Variants in ANK3 observed in about 807,000 individuals in gnomAD.
ANK3 encodes the protein ankyrin-3.
A neutral mutation model predicts 370.9 loss-of-function variants in ANK3; 57 were observed. The observed-to-expected ratio is 0.15, with a 90% CI of 0.12 to 0.19. The LOEUF is 0.19. Ranked by LOEUF, ANK3 falls within the 10% of genes least tolerant of loss-of-function variation. The pLI is 1.00. For missense variants in ANK3, 4,439 were observed against 5,302.1 expected (o/e 0.84, Z 5.06); for synonymous variants, 1,929 against 1,946.3 (o/e 0.99, Z 0.23).
chr10:60,281,410 T>C (rs114789979), intron 1 of ANK3, among the ~76,000 whole-genome samples: 7,430 of 152,246 alleles, frequency 0.049, 616 homozygotes, highest in African/African-American at 0.17. Flanking sequence ...AAATGTCCCT[T>C]GGGGGAGGGG....
chr10:60,319,040 G>A (rs2048066325), intron 1 of ANK3, among the ~76,000 whole-genome samples: 1 of 152,122 alleles, frequency 6.6e-6, no homozygotes, highest in African/African-American at 2.4e-5. Flanking sequence ...TTGGTAATGA[G>A]GACTTGCACT....
At chr10:60,102,408 C>G (rs577831295) in intron 28 of ANK3, among the ~76,000 whole-genome samples, 1 of 152,216 alleles carries the variant, frequency 6.6e-6, no homozygotes, top group South Asian at 2.1e-4. Context: ...TATTAGTTCA[C>G]TATTAGGCAT....
chr10:60,500,665 G>A (rs1349271664), intron 2 of ANK3, among the ~76,000 whole-genome samples: 2 of 152,168 alleles, frequency 1.3e-5, no homozygotes, highest in Admixed American at 6.5e-5. Flanking sequence ...CTGGGATAAT[G>A]TTTTAAATTA....
At chr10:60,469,319 G>GTA (rs1215885622) in intron 2 of ANK3, among the ~76,000 whole-genome samples, 1 of 8,500 alleles carries the variant, frequency 1.2e-4, no homozygotes, top group Non-Finnish European at 2.6e-4. Flanking sequence ...CACTTTTAGT[G>GTA]TATATATATA....
At chr10:60,042,560 T>C (rs994570146) in intron 43 of ANK3, 112 bp downstream of exon 43, 2 of 1,079,364 alleles carry the variant, frequency 1.9e-6, no homozygotes, top group African/African-American at 1.6e-5. Flanking sequence ...TTTTCAAAGC[T>C]GAAATTCAGT....
chr10:60,601,314 A>AG (rs2078060506), intron 2 of ANK3, among the ~76,000 whole-genome samples: 2 of 150,688 alleles, frequency 1.3e-5, no homozygotes, highest in African/African-American at 2.5e-5. Context: ...ATGGAAAGAG[A>AG]GAAAAAAAAA....
intron 28 of ANK3, among the ~76,000 whole-genome samples, chr10:60,090,827 G>A (rs1232754994): frequency 6.6e-6 from 1 of 152,136 alleles, no homozygotes; most frequent in African/African-American, 2.4e-5. Context: ...GGTGTGAATG[G>A]CAATAATTTT....
chr10:60,657,762 T>C (rs1200897611), intron 1 of ANK3, among the ~76,000 whole-genome samples: 1 of 152,160 alleles, frequency 6.6e-6, no homozygotes, highest in Non-Finnish European at 1.5e-5. Flanking sequence ...TAATCTTCTA[T>C]AGACTTCCTG....
At chr10:60,390,341 T>A (rs1047094467), upstream of ANK3, among the ~76,000 whole-genome samples, 6 of 152,170 alleles carry the variant, frequency 3.9e-5, no homozygotes, top group African/African-American at 1.4e-4. Flanking sequence ...TATTGGTGTA[T>A]GGAACAGATG....
chr10:60,470,978 A>G (rs1333673627), intron 2 of ANK3, among the ~76,000 whole-genome samples: 1 of 152,006 alleles, frequency 6.6e-6, no homozygotes, highest in East Asian at 1.9e-4. Flanking sequence ...TATGTCTTTT[A>G]TCTCCCCTGG....
At chr10:60,169,878 C>T (rs535023572) in intron 21 of ANK3, among the ~76,000 whole-genome samples, 2 of 152,252 alleles carry the variant, frequency 1.3e-5, no homozygotes, top group East Asian at 3.9e-4. Context: ...CAACATACCC[C>T]CTACCATTGT....
At chr10:60,733,448 C>G (rs954476991) in exon 1 of ANK3, 2 of 790,812 alleles carry the variant, frequency 2.5e-6, no homozygotes, top group Non-Finnish European at 3.4e-6. Flanking sequence ...CCAAGCGCGG[C>G]CCCGCGACGC....
chr10:60,121,683 C>G (rs1325421853), intron 25 of ANK3, among the ~76,000 whole-genome samples: 1 of 64,934 alleles, frequency 1.5e-5, no homozygotes, highest in African/African-American at 5.6e-5. Context: ...AGGGCCAGAC[C>G]CTTTCTCAAA....
intron 2 of ANK3, among the ~76,000 whole-genome samples, chr10:60,449,045 CAT>C (rs1567049512): frequency 6.6e-6 from 1 of 152,258 alleles, no homozygotes; most frequent in South Asian, 2.1e-4. Flanking sequence ...AGGTTAGAAA[CAT>C]GTGAAATAGT....
At chr10:60,110,298 G>A (rs2092605811) in intron 26 of ANK3, among the ~76,000 whole-genome samples, 1 of 152,112 alleles carries the variant, frequency 6.6e-6, no homozygotes, top group Non-Finnish European at 1.5e-5. Context: ...ATCCCCACAG[G>A]CAGAGGCAAT....
intron 2 of ANK3, among the ~76,000 whole-genome samples, chr10:60,610,502 G>GAA (rs34160333): frequency 1.4e-5 from 2 of 146,316 alleles, no homozygotes; most frequent in African/African-American, 5.1e-5. Context: ...AACGAGAGCG[G>GAA]AAAAAAAAAA....
Position 60,083,632 on chromosome 10 carries a change from G to A in ANK3, c.4075-15C>T. ...CCTTCCAGAACCTTTTAGAGTAAAAGAAATAAACAATTTAATGTTAATCTG... is the reference window on the plus strand; with the variant it reads ...CCTTCCAGAACCTTTTAGAGTAAAAAAAATAAACAATTTAATGTTAATCTG... On this transcript the variant is annotated splice_polypyrimidine_tract_variant and intron_variant, in intron 32 of 43. Transcript: ENST00000280772. The A allele has an allele frequency of 1.3e-6, 2 of 1,558,936 alleles. No individual in the cohort carries two copies. Among genetic ancestry groups the A allele is most frequent in the Non-Finnish European group, 8.7e-7 (1 of 1,149,740 alleles).
intron 1 of ANK3, among the ~76,000 whole-genome samples, chr10:60,683,713 C>G (rs1168608443): frequency 6.6e-6 from 1 of 152,228 alleles, no homozygotes; most frequent in Non-Finnish European, 1.5e-5. Flanking sequence ...AAACAAGCAG[C>G]AGCCTTGTTT....
At chr10:60,340,932 A>C (rs1357032232) in intron 1 of ANK3, among the ~76,000 whole-genome samples, 1 of 152,170 alleles carries the variant, frequency 6.6e-6, no homozygotes, top group Non-Finnish European at 1.5e-5. Flanking sequence ...AGGCTTAAGG[A>C]GATTAAAAAA....
Sources: gnomAD v4.1 joint callset for allele counts (sites outside exome capture counted in the v4.1 genomes callset) on GRCh38, gnomAD v4.1.1 for gene constraint, MANE v1.5 for transcripts, NCBI Gene and HGNC (gene_info 2026-07-23, HGNC 2026-07-21) for gene names.